The following ENTHD1 variants were observed in gnomAD, a reference collection of about 807,000 sequenced individuals.
The protein encoded by ENTHD1 is ENTH domain containing 1.
ENTHD1 carries 23 observed loss-of-function variants against 39.1 expected under a neutral mutation model. That is an observed-to-expected ratio of 0.59 (90% confidence interval 0.42 to 0.83). The LOEUF (loss-of-function observed/expected upper bound fraction) is 0.83. Ranked by LOEUF, ENTHD1 falls within the 40% of genes least tolerant of loss-of-function variation. The pLI is 0.00. For missense variants in ENTHD1, 624 were observed against 705.4 expected (o/e 0.88, Z 1.31); for synonymous variants, 230 against 258.2 (o/e 0.89, Z 1.05).
At chr22:39,831,375 A>C (rs2146668644) in intron 4 of ENTHD1, among the ~76,000 whole-genome samples, 1 of 152,334 alleles carries the variant, frequency 6.6e-6, no homozygotes, top group Middle Eastern at 3.4e-3. Context: ...AGGAGGAGGC[A>C]AAATGAAAGA....
intron 5 of ENTHD1, among the ~76,000 whole-genome samples, chr22:39,781,827 C>T (rs1410620842): frequency 6.6e-6 from 1 of 151,960 alleles, no homozygotes; most frequent in Non-Finnish European, 1.5e-5. Flanking sequence ...AAAAAATAGA[C>T]ATAACAACAG....
intron 6 of ENTHD1, among the ~76,000 whole-genome samples, chr22:39,757,783 C>T (rs192123424): frequency 6.6e-6 from 1 of 152,062 alleles, no homozygotes; most frequent in African/African-American, 2.4e-5. Context: ...GTATTCCCCA[C>T]GTGTCAAGGG....
chr22:39,781,740 T>C (rs964344883), intron 5 of ENTHD1, among the ~76,000 whole-genome samples: 2 of 150,488 alleles, frequency 1.3e-5, no homozygotes, highest in African/African-American at 4.9e-5. Context: ...TTTGAAAAGA[T>C]AAAAAAAAAT....
At chr22:39,753,829 T>C (rs1232788897) in intron 6 of ENTHD1, among the ~76,000 whole-genome samples, 1 of 152,156 alleles carries the variant, frequency 6.6e-6, no homozygotes, top group Admixed American at 6.5e-5. Flanking sequence ...TTTTCCAAAA[T>C]TACTTTTCTT....
intron 5 of ENTHD1, among the ~76,000 whole-genome samples, chr22:39,769,457 G>T (rs1160633594): frequency 6.6e-6 from 1 of 152,194 alleles, no homozygotes; most frequent in Non-Finnish European, 1.5e-5. Flanking sequence ...GGGATGAGAA[G>T]GTGGAATATT....
Position 39,835,951 on chromosome 22 carries a change from C to CCTG in ENTHD1, c.599_600insCAG (p.Val200_Cys201insArg). 1 of 1,602,340 alleles carries CCTG rather than the reference C, an allele frequency of 6.2e-7. No individual in the cohort carries two copies. The highest frequency in any genetic ancestry group is 1.1e-5 in the South Asian group (1 of 88,824). ...GCTCTTGTTTCAATCCTGCCTTGCA[C>CCTG]ACATTTCCTGTCAACAATATAAAGC... On this transcript the variant is annotated inframe_insertion, in exon 4 of 7. Coordinates refer to ENST00000325157, the MANE Select transcript of ENTHD1 (RefSeq NM_152512.4).
chr22:39,841,193 A>G (rs7288228), intron 3 of ENTHD1, among the ~76,000 whole-genome samples: 11,373 of 152,130 alleles, frequency 0.075, 475 homozygotes, highest in South Asian at 0.12. Flanking sequence ...ATTTTGCCCC[A>G]TTTGCTTTAT....
chr22:39,866,436 C>T (rs2066182124), intron 2 of ENTHD1, among the ~76,000 whole-genome samples: 1 of 152,188 alleles, frequency 6.6e-6, no homozygotes, highest in Non-Finnish European at 1.5e-5. Flanking sequence ...AAGATAATTT[C>T]AGATAAATGC....
chr22:39,839,939 G>C (rs1014735778), intron 3 of ENTHD1, among the ~76,000 whole-genome samples: 4 of 152,170 alleles, frequency 2.6e-5, no homozygotes, highest in African/African-American at 7.2e-5. Flanking sequence ...ATCTTATGAG[G>C]CAAGAAAGAA....
chr22:39,875,247 A>G, intron 2 of ENTHD1: 1 of 1,155,540 alleles, frequency 8.7e-7, no homozygotes, highest in East Asian at 3.6e-5. Flanking sequence ...TTCCATTTAT[A>G]TAAATTTTAA....
chr22:39,826,960 A>T lies in ENTHD1; in HGVS notation c.712-5847T>A, dbSNP rs183587239. ...TAATCTTGGCTCAAGCTGTCCTGCC[A>T]CTTCAGCCTCCCTGGCGGCTGGGAC... On this transcript the variant is annotated intron_variant, in intron 4 of 6. Coordinates refer to ENST00000325157, the MANE Select transcript of ENTHD1 (RefSeq NM_152512.4). 4.0e-5 allele frequency among the ~76,000 whole-genome samples: 6 copies of T among 151,276 alleles called. No homozygotes were observed. The East Asian group carries it at 1.2e-3, about 29-fold the overall frequency.
intron 2 of ENTHD1, among the ~76,000 whole-genome samples, chr22:39,871,671 T>C (rs1281120338): frequency 6.6e-6 from 1 of 152,202 alleles, no homozygotes; most frequent in Non-Finnish European, 1.5e-5. Flanking sequence ...AAGAGCTCCG[T>C]GGGAAGACTA....
intron 3 of ENTHD1, among the ~76,000 whole-genome samples, chr22:39,849,974 C>T (rs974558712): frequency 2.0e-5 from 3 of 152,020 alleles, no homozygotes; most frequent in Non-Finnish European, 2.9e-5. Context: ...AGAAATAGTC[C>T]CACATTCAAA....
chr22:39,795,918 T>A (rs978187631), intron 5 of ENTHD1, among the ~76,000 whole-genome samples: 5 of 152,182 alleles, frequency 3.3e-5, no homozygotes, highest in African/African-American at 1.2e-4. Context: ...AGTTGTTATG[T>A]CTCCTTTTTC....
intron 4 of ENTHD1, among the ~76,000 whole-genome samples, chr22:39,822,972 A>G (rs1288264833): frequency 1.3e-5 from 2 of 152,240 alleles, no homozygotes; most frequent in Non-Finnish European, 2.9e-5. Context: ...GAAATAGTCA[A>G]GATACAGAAC....
At chr22:39,877,147 G>A (rs1262152262) in intron 2 of ENTHD1, among the ~76,000 whole-genome samples, 1 of 152,140 alleles carries the variant, frequency 6.6e-6, no homozygotes, top group Non-Finnish European at 1.5e-5. Flanking sequence ...AAATTGTAAT[G>A]GGTCTTAACC....
chr22:39,806,803 T>C (rs1601607105), intron 5 of ENTHD1, among the ~76,000 whole-genome samples: 1 of 152,154 alleles, frequency 6.6e-6, no homozygotes, highest in East Asian at 1.9e-4. Flanking sequence ...GAAGGCTTTC[T>C]GGGAAAAGTG....
intron 4 of ENTHD1, among the ~76,000 whole-genome samples, chr22:39,823,806 C>T (rs2050495090): frequency 6.6e-6 from 1 of 152,144 alleles, no homozygotes; most frequent in Non-Finnish European, 1.5e-5. Flanking sequence ...TTAATTTCTC[C>T]ATATTCTCAC....
chr22:39,798,427 T>C (rs1373834502), intron 5 of ENTHD1, among the ~76,000 whole-genome samples: 1 of 152,160 alleles, frequency 6.6e-6, no homozygotes, highest in Non-Finnish European at 1.5e-5. Flanking sequence ...TCTATGGTGT[T>C]GGTTGGGTAG....
Sources: gnomAD v4.1 joint callset for allele counts (sites outside exome capture counted in the v4.1 genomes callset) on GRCh38, gnomAD v4.1.1 for gene constraint, MANE v1.5 for transcripts, NCBI Gene and HGNC (gene_info 2026-07-23, HGNC 2026-07-21) for gene names.